Variants in RORA observed in about 807,000 individuals in gnomAD.
RORA encodes RAR related orphan receptor A, also known as nuclear receptor ROR-alpha.
RORA carries 7 observed loss-of-function variants against 69.5 expected under a neutral mutation model. That is an observed-to-expected ratio of 0.10 (90% CI 0.06 to 0.19). The LOEUF (loss-of-function observed/expected upper bound fraction) is 0.19, where lower values mean the gene tolerates loss of function less well. Ranked by LOEUF, RORA falls within the 10% of genes least tolerant of loss-of-function variation. The pLI is 1.00. For synonymous variants in RORA, 261 were observed against 240.8 expected (o/e 1.08, Z -0.78); for missense variants, 457 against 663.0 (o/e 0.69, Z 3.41).
At chr15:60,584,179 A>T (rs998676312) in intron 2 of RORA, among the ~76,000 whole-genome samples, 3 of 152,276 alleles carry the variant, frequency 2.0e-5, no homozygotes, top group East Asian at 3.9e-4. Flanking sequence ...GTGTAAATAC[A>T]TGCCTTCGTG....
At chr15:61,028,007 T>A (rs903143311) in intron 1 of RORA, among the ~76,000 whole-genome samples, 4 of 152,222 alleles carry the variant, frequency 2.6e-5, no homozygotes, top group African/African-American at 9.6e-5. Flanking sequence ...ATTTCTACCA[T>A]AAATTATTTC....
chr15:60,552,726 A>G (rs569258039), intron 2 of RORA, among the ~76,000 whole-genome samples: 25 of 152,318 alleles, frequency 1.6e-4, no homozygotes, highest in African/African-American at 5.1e-4. Flanking sequence ...AAAAAAATCA[A>G]TTGGGGCAGG....
intron 1 of RORA, among the ~76,000 whole-genome samples, chr15:61,118,305 T>C (rs2079068429): frequency 6.6e-6 from 1 of 152,120 alleles, no homozygotes; most frequent in South Asian, 2.1e-4. Flanking sequence ...CTTGTGAGGC[T>C]CTCGTAAGAT....
intron 1 of RORA, among the ~76,000 whole-genome samples, chr15:60,971,723 G>A (rs994968872): frequency 6.6e-6 from 1 of 152,192 alleles, no homozygotes; most frequent in African/African-American, 2.4e-5. Context: ...CATGAATGGT[G>A]GATGAAAGAC....
chr15:61,177,897 G>A (rs1248304630), intron 1 of RORA, among the ~76,000 whole-genome samples: 2 of 151,710 alleles, frequency 1.3e-5, no homozygotes, highest in African/African-American at 4.8e-5. Context: ...AGGAAGCGGA[G>A]GCTGCAGTGA....
chr15:61,177,574 G>A (rs1346551092), intron 1 of RORA, among the ~76,000 whole-genome samples: 1 of 152,120 alleles, frequency 6.6e-6, no homozygotes, highest in Non-Finnish European at 1.5e-5. Context: ...ATGGACATTT[G>A]AGTGTTACAA....
intron 1 of RORA, among the ~76,000 whole-genome samples, chr15:60,934,002 T>C (rs968943225): frequency 2.6e-5 from 4 of 152,196 alleles, no homozygotes; most frequent in African/African-American, 9.7e-5. Context: ...TGACAGTCGT[T>C]CGGTAAAGAA....
intron 1 of RORA, among the ~76,000 whole-genome samples, chr15:60,769,128 T>A (rs1045498129): frequency 1.3e-5 from 2 of 152,168 alleles, no homozygotes; most frequent in African/African-American, 4.8e-5. Flanking sequence ...GGCCACCCCT[T>A]TCCCTTAATA....
chr15:60,884,150 C>G (rs1243242911), intron 1 of RORA, among the ~76,000 whole-genome samples: 1 of 151,406 alleles, frequency 6.6e-6, no homozygotes, highest in Non-Finnish European at 1.5e-5. Context: ...AATAAAAGAG[C>G]TATGCTGTGG....
chr15:60,597,609 T>C (rs1219115686), intron 2 of RORA, among the ~76,000 whole-genome samples: 624 of 45,104 alleles, frequency 0.014, 58 homozygotes, highest in African/African-American at 0.064. Flanking sequence ...TATATATATA[T>C]ATATATATAC....
At chr15:60,860,027 G>A (rs559835994) in intron 1 of RORA, among the ~76,000 whole-genome samples, 12 of 152,144 alleles carry the variant, frequency 7.9e-5, no homozygotes, top group South Asian at 4.1e-4. Flanking sequence ...AGAACTGGAC[G>A]TGCCAAAATG....
chr15:61,104,753 T>C (rs1180700600), intron 1 of RORA, among the ~76,000 whole-genome samples: 1 of 152,168 alleles, frequency 6.6e-6, no homozygotes, highest in Non-Finnish European at 1.5e-5. Flanking sequence ...GGAGCCCTCT[T>C]CTTACCTAGT....
At chr15:61,052,656 G>A (rs888982411) in intron 1 of RORA, among the ~76,000 whole-genome samples, 4 of 152,172 alleles carry the variant, frequency 2.6e-5, no homozygotes, top group South Asian at 2.1e-4. Context: ...TTCTGAGAGC[G>A]CATTTTGAGA....
chr15:60,844,203 T>C (rs769353929), intron 1 of RORA, among the ~76,000 whole-genome samples: 11 of 152,162 alleles, frequency 7.2e-5, no homozygotes, highest in African/African-American at 1.2e-4. Flanking sequence ...AGCTATTTGT[T>C]AACATGTTTT....
At chr15:60,613,576 C>T (rs2069148612) in intron 2 of RORA, among the ~76,000 whole-genome samples, 1 of 151,968 alleles carries the variant, frequency 6.6e-6, no homozygotes, top group African/African-American at 2.4e-5. Context: ...ACATGCCCAC[C>T]AGATTGCCAG....
rs141421580 is a variant in RORA, at chr15:61,032,023, T to C, written c.166+197030A>G. ...TGATAGGGTTTGTCTCAAAATAGTGTCTTTTTGTGTCACAAGGGAAGTACA... is the reference window on the plus strand; with the variant it reads ...TGATAGGGTTTGTCTCAAAATAGTGCCTTTTTGTGTCACAAGGGAAGTACA... On this transcript the variant is annotated intron_variant, in intron 1 of 10. Transcript: ENST00000335670. 1.7e-3 allele frequency among the ~76,000 whole-genome samples: 253 copies of C among 152,342 alleles called. 1 individual carries two copies. Among genetic ancestry groups the C allele is most frequent in the African/African-American group, 5.8e-3 (240 of 41,584 alleles).
At chr15:61,098,275 C>CCCTCCTTCCCTG (rs1555410501) in intron 1 of RORA, among the ~76,000 whole-genome samples, 1 of 142,078 alleles carries the variant, frequency 7.0e-6, no homozygotes, top group Non-Finnish European at 1.5e-5. Context: ...CTCCCTTCTT[C>CCCTCCTTCCCTG]CCTCCTTCCC....
At chr15:61,227,804 A>G (rs1333334455) in intron 1 of RORA, among the ~76,000 whole-genome samples, 1 of 152,152 alleles carries the variant, frequency 6.6e-6, no homozygotes, top group Non-Finnish European at 1.5e-5. Context: ...GGCTCGCGCG[A>G]GCACGCTTCC....
intron 1 of RORA, among the ~76,000 whole-genome samples, chr15:61,217,692 C>A (rs1276601404): frequency 6.6e-6 from 1 of 152,068 alleles, no homozygotes; most frequent in African/African-American, 2.4e-5. Context: ...ATAGAAAGTA[C>A]TCAGTAAATA....
Sources: allele counts gnomAD v4.1 joint callset (sites outside exome capture counted in the v4.1 genomes callset), GRCh38; gene constraint gnomAD v4.1.1; transcripts MANE v1.5; gene names NCBI Gene and HGNC (gene_info 2026-07-23, HGNC 2026-07-21).